Variants in SLC25A36 observed in about 807,000 individuals in gnomAD.
SLC25A36 encodes solute carrier family 25 member 36, also known as epididymis secretory sperm binding protein.
Under a neutral mutation model 35.3 loss-of-function variants are expected in SLC25A36, and 24 were observed. The ratio of observed to expected loss-of-function variants is 0.68; its 90% CI spans 0.49 to 0.96. The LOEUF (loss-of-function observed/expected upper bound fraction) is 0.96, where lower values mean the gene tolerates loss of function less well. Among genes scored for constraint, SLC25A36 ranks in the 40% least tolerant of loss-of-function variants. SLC25A36 has a pLI of 0.00. For synonymous variants in SLC25A36, 141 were observed against 132.2 expected, an observed-to-expected ratio of 1.07 and a Z score of -0.46; for missense variants, 294 against 381.1, an observed-to-expected ratio of 0.77 and a Z score of 1.90.
chr3:140,948,935 A>G (rs549615808), intron 1 of SLC25A36, among the ~76,000 whole-genome samples: 44 of 152,186 alleles, frequency 2.9e-4, no homozygotes, highest in Admixed American at 2.7e-3. Context: ...TTAGTGAACA[A>G]TTTCTCTTTC....
chr3:140,966,526 T>A (rs1355648159), intron 4 of SLC25A36: 1 of 175,848 alleles, frequency 5.7e-6, no homozygotes, highest in Non-Finnish European at 1.2e-5. Context: ...TGGTTTTTTT[T>A]TTTTTAAGAT....
At chr3:140,962,431 T>C (rs180686082) in intron 3 of SLC25A36, among the ~76,000 whole-genome samples, 3 of 152,314 alleles carry the variant, frequency 2.0e-5, no homozygotes, top group African/African-American at 7.2e-5. Flanking sequence ...AAGTTAACAA[T>C]GAGGGAAATA....
intron 5 of SLC25A36, chr3:140,972,694 C>T (rs1934937230): frequency 6.6e-6 from 1 of 151,788 alleles, no homozygotes; most frequent in African/African-American, 2.4e-5. Flanking sequence ...GGATTTGTAT[C>T]TCTTTTAACT....
chr3:140,974,472 A>G (rs147592268), intron 6 of SLC25A36, among the ~76,000 whole-genome samples: 261 of 152,276 alleles, frequency 1.7e-3, no homozygotes, highest in African/African-American at 6.1e-3. Context: ...ATACCTACTT[A>G]ATGGTGAAGC....
intron 1 of SLC25A36, among the ~76,000 whole-genome samples, chr3:140,952,550 C>A (rs560033943): frequency 6.6e-6 from 1 of 152,186 alleles, no homozygotes; most frequent in Non-Finnish European, 1.5e-5. Flanking sequence ...ACTTCTATTA[C>A]AAAATTTCAT....
chr3:140,974,112 T>C (rs1934976633), intron 6 of SLC25A36, 107 bp downstream of exon 6: 5 of 724,158 alleles, frequency 6.9e-6, no homozygotes, highest in Non-Finnish European at 1.1e-5. Context: ...CAAAATACAA[T>C]TATTGGGAGT....
At chr3:140,971,511 A>G (rs1473855052) in intron 5 of SLC25A36, among the ~76,000 whole-genome samples, 1 of 152,194 alleles carries the variant, frequency 6.6e-6, no homozygotes, top group African/African-American at 2.4e-5. Context: ...ATATTAGCAG[A>G]TACTGCTACG....
chr3:140,947,736 CTG>C (rs1436205231), intron 1 of SLC25A36, among the ~76,000 whole-genome samples: 1 of 152,158 alleles, frequency 6.6e-6, no homozygotes, highest in Non-Finnish European at 1.5e-5. Flanking sequence ...TAAAAAAATG[CTG>C]TGTTATTCTC....
intron 1 of SLC25A36, among the ~76,000 whole-genome samples, chr3:140,955,878 G>A (rs916836055): frequency 2.0e-5 from 3 of 151,944 alleles, no homozygotes; most frequent in Non-Finnish European, 4.4e-5. Flanking sequence ...CAAATTTTTT[G>A]TAAAGTGGTG....
intron 6 of SLC25A36, among the ~76,000 whole-genome samples, chr3:140,975,097 C>CTTTTATTTTTTTTT (rs1935004695): frequency 1.8e-5 from 1 of 55,188 alleles, no homozygotes; most frequent in Non-Finnish European, 3.5e-5. Flanking sequence ...AAGATACATT[C>CTTTTATTTTTTTTT]TTTTTTTTTT....
intron 4 of SLC25A36, 34 bp downstream of exon 4, chr3:140,963,261 T>C: frequency 9.0e-7 from 1 of 1,114,226 alleles, no homozygotes; most frequent in Admixed American, 2.5e-5. Flanking sequence ...AAAAAAAAAC[T>C]TTCTGAAACC....
chr3:140,945,951 A>G (rs1032247916), intron 1 of SLC25A36, among the ~76,000 whole-genome samples: 1 of 152,170 alleles, frequency 6.6e-6, no homozygotes, highest in Admixed American at 6.5e-5. Context: ...GGAGTCAGCC[A>G]TGGGTAAAAA....
chr3:140,971,458 C>G (rs982241485), intron 5 of SLC25A36, among the ~76,000 whole-genome samples: 1 of 152,174 alleles, frequency 6.6e-6, no homozygotes, highest in African/African-American at 2.4e-5. Flanking sequence ...TCTGTTACCA[C>G]TGACCACTTT....
chr3:140,945,739 T>TAAAAAAAAAAAA (rs59896675), intron 1 of SLC25A36, among the ~76,000 whole-genome samples: 1 of 127,746 alleles, frequency 7.8e-6, no homozygotes, highest in Non-Finnish European at 1.7e-5. Context: ...TACTTGCAAT[T>TAAAAAAAAAAAA]AAAAAAAAAA....
In SLC25A36 at chr3:140,953,018, CAA is replaced by C. The variant is rs139784951; in HGVS notation, c.42-3507_42-3506del. 3.9e-3 allele frequency among the ~76,000 whole-genome samples: 597 copies of C among 152,192 alleles called. 2 individuals carry two copies. The highest frequency in any genetic ancestry group is 4.1e-3 in the Non-Finnish European group (281 of 67,984). On this transcript the variant is annotated intron_variant, in intron 1 of 6. Coordinates refer to ENST00000324194, the MANE Select transcript of SLC25A36 (RefSeq NM_001104647.3). The stretch of plus-strand genomic sequence containing the variant: ...CTGCTAAAAAGAAATCAGGCAAAGA[CAA>C]ATTGAATTATGGTTTGCCATAAATA...
At chr3:140,950,059 T>C (rs1934276751) in intron 1 of SLC25A36, among the ~76,000 whole-genome samples, 1 of 152,216 alleles carries the variant, frequency 6.6e-6, no homozygotes, top group South Asian at 2.1e-4. Context: ...GATTTAGTTA[T>C]ATTGTACCAC....
intron 2 of SLC25A36, among the ~76,000 whole-genome samples, chr3:140,957,570 C>T (rs1484782208): frequency 6.6e-6 from 1 of 152,038 alleles, no homozygotes; most frequent in Non-Finnish European, 1.5e-5. Flanking sequence ...GGTGAAACCC[C>T]GTCTGTACTA....
At position 140,967,955 on chromosome 3, in the gene SLC25A36, C is replaced by T. The variant is rs552270231; in HGVS notation, c.386-2972C>T. 1.8e-5 allele frequency: 18 copies of T among 984,044 alleles called. No homozygotes were observed. The South Asian group carries it at 7.5e-4, about 41-fold the overall frequency. 61.0% of individuals were successfully genotyped at this position (984,044 alleles called of 1,614,324 possible). ...AAATTGGCAAATTATGAAAATGTCACAAAATTAAAATGCAAAATAAAAAGT... is the reference window on the plus strand; with the variant it reads ...AAATTGGCAAATTATGAAAATGTCATAAAATTAAAATGCAAAATAAAAAGT... On this transcript the variant is annotated intron_variant, in intron 4 of 6. Coordinates refer to ENST00000324194, the MANE Select transcript of SLC25A36 (RefSeq NM_001104647.3).
intron 4 of SLC25A36, among the ~76,000 whole-genome samples, chr3:140,969,815 C>A (rs570352624): frequency 4.6e-5 from 7 of 151,840 alleles, no homozygotes; most frequent in Non-Finnish European, 8.8e-5. Context: ...AAGTACTTTA[C>A]TCATCTTAAA....
Sources: allele counts gnomAD v4.1 joint callset (sites outside exome capture counted in the v4.1 genomes callset), GRCh38; gene constraint gnomAD v4.1.1; transcripts MANE v1.5; gene names NCBI Gene and HGNC (gene_info 2026-07-23, HGNC 2026-07-21).